The following RYR1 variants were observed in gnomAD, a reference collection of about 807,000 sequenced individuals.
The protein encoded by RYR1 is ryanodine receptor 1, also known as central core disease of muscle.
A neutral mutation model predicts 583.5 loss-of-function variants in RYR1; 342 were observed. The ratio of observed to expected loss-of-function variants is 0.59; its 90% CI spans 0.54 to 0.64. The LOEUF (loss-of-function observed/expected upper bound fraction) is 0.64. Ranked by LOEUF, RYR1 falls within the 30% of genes least tolerant of loss-of-function variation. The pLI is 0.00. For missense variants in RYR1, 6,032 were observed against 6,917.2 expected, an observed-to-expected ratio of 0.87 and a Z score of 4.54; for synonymous variants, 2,791 against 2,822.5, an observed-to-expected ratio of 0.99 and a Z score of 0.35.
In RYR1 at chr19:38,502,558, C is replaced by T. The variant is rs138925222; in HGVS notation, c.7666C>T (p.Leu2556=). 28 of 1,611,826 alleles carry T rather than the reference C, an allele frequency of 1.7e-5. No homozygotes were observed. In the South Asian group the frequency reaches 2.6e-4, roughly 15 times the overall value. ...MALALNRYLC[L]AVLPLITKCA... is the part of the protein sequence containing the mutation. ...GCTGGCGCTGAACCGCTACCTGTGC[C>T]TGGCCGTGCTGCCGCTCATCACCAA... The change falls in exon 48 of 106, where the codon CTG becomes TTG. Residue 2556 remains leucine (L), a synonymous_variant. Transcript: ENST00000359596.
intron 24 of RYR1, 58 bp downstream of exon 24, chr19:38,466,456 C>A: frequency 6.7e-7 from 1 of 1,494,664 alleles, no homozygotes; most frequent in South Asian, 1.2e-5. Context: ...ACCCCAGCCC[C>A]GATCCCTGAT....
At chr19:38,585,830 A>C in intron 102 of RYR1, 108 bp from the exon 103 acceptor site, 1 of 1,323,394 alleles carries the variant, frequency 7.6e-7, no homozygotes, top group African/African-American at 1.4e-5. Flanking sequence ...TAGGGGTGAG[A>C]TTAGGGAAAT....
At chr19:38,577,838 G>C in intron 97 of RYR1, 80 bp from the exon 98 acceptor site, 1 of 1,577,652 alleles carries the variant, frequency 6.3e-7, no homozygotes, top group Non-Finnish European at 8.7e-7. Flanking sequence ...AGTTTGGAGT[G>C]TCCCCAGAAC....
At chr19:38,532,365 T>C in intron 76 of RYR1, 125 bp from the exon 77 acceptor site, 1 of 915,952 alleles carries the variant, frequency 1.1e-6, no homozygotes, top group South Asian at 1.4e-5. Context: ...TCAAGTGATC[T>C]GCCTGCCTCA....
chr19:38,569,240 C>T (rs1032205257), intron 93 of RYR1, among the ~76,000 whole-genome samples: 8 of 152,090 alleles, frequency 5.3e-5, no homozygotes, highest in Non-Finnish European at 1.0e-4. Flanking sequence ...TAGATCTGAC[C>T]TTGTGATCCA....
Position 38,452,700 on chromosome 19 carries a change from G to A in RYR1, c.1245-119G>A, listed in dbSNP as rs531970829. ...AAATGCTTTTCCCTCTCTGCGTCTC[G>A]GTCTCCCTCTCTGTAAAACGGGTGG... On this transcript the variant is annotated intron_variant, in intron 12 of 105. Transcript: ENST00000359596. The A allele has an allele frequency of 3.9e-5, 34 of 873,824 alleles. No individual in the cohort carries two copies. In the South Asian group the frequency reaches 5.2e-4, roughly 13 times the overall value. The allele number at this position is 873,824 out of a possible 1,614,324, so 54.1% of individuals were successfully genotyped here.
rs1298551082 is a variant in RYR1 at position 38,512,039 on chromosome 19, A to G, written c.9173-33A>G. The G allele has an allele frequency of 5.6e-6, 9 of 1,609,436 alleles. No individual in the cohort carries two copies. The highest frequency in any genetic ancestry group is 1.7e-4 in the Middle Eastern group (1 of 6,054). On this transcript the variant is annotated intron_variant, in intron 61 of 105. Coordinates refer to ENST00000359596, the MANE Select transcript of RYR1 (RefSeq NM_000540.3). The surrounding 1 kb of genome is among the most constrained non-coding windows in gnomAD (Gnocchi z 5.1). ...GGCACTGTCCTCTGTCCTCTTAGCC[A>G]TGGCATCCCCCCGGCCCATCTTCCT...
In RYR1 at chr19:38,452,438, TAAC is replaced by T. The variant is rs1203263716; in HGVS notation, c.1245-378_1245-376del. Among the ~76,000 whole-genome samples the T allele has an allele frequency of 2.0e-4, 31 of 151,960 alleles. No homozygotes were observed. In the South Asian group the frequency reaches 6.0e-3, roughly 30 times the overall value. ...GAGCGAGACCCTTCTCAAAAAATAA[TAAC>T]AATAATATACACATGACCCCTAACC... On this transcript the variant is annotated intron_variant, in intron 12 of 105. Transcript: ENST00000359596.
At chr19:38,558,640 G>A (rs1407164028) in intron 89 of RYR1, among the ~76,000 whole-genome samples, 5 of 151,536 alleles carry the variant, frequency 3.3e-5, no homozygotes, top group East Asian at 1.9e-4. Flanking sequence ...TTAGCTTGGC[G>A]TGGTAGCACA....
intron 16 of RYR1, among the ~76,000 whole-genome samples, chr19:38,456,103 C>T (rs1312871738): frequency 6.6e-6 from 1 of 150,550 alleles, no homozygotes; most frequent in Non-Finnish European, 1.5e-5. Flanking sequence ...TCCCAAGTAG[C>T]TGGGACTACA....
Position 38,483,611 on chromosome 19 carries a change from G to A in RYR1, c.4934+95G>A, listed in dbSNP as rs1969129031. On this transcript the variant is annotated intron_variant, in intron 33 of 105. Coordinates refer to ENST00000359596, the MANE Select transcript of RYR1 (RefSeq NM_000540.3). The surrounding 1 kb of genome is among the most constrained non-coding windows in gnomAD (Gnocchi z 6.3). ...GTGCCCCTCCTCAACACAACCCCGG[G>A]ATTCCAGACTACACCCCAGGAATCT... The A allele has an allele frequency of 8.9e-7, 1 of 1,120,276 alleles. No homozygotes were observed. The highest frequency in any genetic ancestry group is 1.3e-6 in the Non-Finnish European group (1 of 774,764). The allele number at this position is 1,120,276 out of a possible 1,614,324, so 69.4% of individuals were successfully genotyped here. A position where few individuals can be genotyped will look rare whatever the true frequency, so the allele number is the denominator to read the frequency against.
intron 100 of RYR1, 51 bp from the exon 101 acceptor site, chr19:38,580,319 G>T (rs755725814): frequency 1.2e-6 from 2 of 1,603,988 alleles, no homozygotes; most frequent in South Asian, 2.2e-5. Flanking sequence ...GGGCAGGGTG[G>T]GGGGAGGGCA....
chr19:38,453,389 G>C (rs1208954699), intron 13 of RYR1, among the ~76,000 whole-genome samples: 8 of 151,774 alleles, frequency 5.3e-5, no homozygotes, highest in African/African-American at 1.9e-4. Context: ...AGAGGTCAGA[G>C]GTAGGGCTGC....
At chr19:38,585,331 C>A (rs550893886) in intron 102 of RYR1, among the ~76,000 whole-genome samples, 1 of 149,916 alleles carries the variant, frequency 6.7e-6, no homozygotes, top group South Asian at 2.1e-4. Context: ...CATAGGCGCT[C>A]GGTGTCTGGC....
rs775732541 is a variant in RYR1, at chr19:38,483,063, G to T, written c.4657G>T (p.Val1553Phe). 6.2e-7 allele frequency: 1 copy of T among 1,613,920 alleles called. No individual in the cohort carries two copies. The highest frequency in any genetic ancestry group is 1.1e-5 in the South Asian group (1 of 91,084). Reference protein sequence around the residue: ...PNTKLFPAVFVLPTHQNVIQF... With the variant: ...PNTKLFPAVFFLPTHQNVIQF... ...CACTAAGCTATTTCCTGCCGTCTTC[G>T]TCCTGCCCACCCACCAGAACGTCAT... Residue 1553 changes from valine (V) to phenylalanine (F), a missense_variant, in exon 32 of 106, where the codon GTC becomes TTC. Around this residue, in one of 11 missense-constraint regions of RYR1, gnomAD observed 2,627 missense variants for 2,961.3 expected, o/e 0.89. Coordinates refer to ENST00000359596, the MANE Select transcript of RYR1 (RefSeq NM_000540.3). The surrounding 1 kb of genome is among the most constrained non-coding windows in gnomAD (Gnocchi z 6.3).
At chr19:38,434,234 C>A (rs1276636683) in intron 1 of RYR1, among the ~76,000 whole-genome samples, 1 of 152,048 alleles carries the variant, frequency 6.6e-6, no homozygotes, top group African/African-American at 2.4e-5. Context: ...GCCATCCCCC[C>A]ACCCCCACCT....
rs1413677248 is a variant in RYR1, at chr19:38,527,631, T to A, written c.10687-16T>A. 6.2e-7 allele frequency: 1 copy of A among 1,613,660 alleles called. No homozygotes were observed. The highest frequency in any genetic ancestry group is 8.5e-7 in the Non-Finnish European group (1 of 1,179,936). Reference sequence around the variant, plus strand: ...AAGGGTCCCTCACGCCGGCCACTCCTTCTTCCTCCCTTCAGGTCGAAGGCT... The same window carrying A: ...AAGGGTCCCTCACGCCGGCCACTCCATCTTCCTCCCTTCAGGTCGAAGGCT... On this transcript the variant is annotated splice_polypyrimidine_tract_variant and intron_variant, in intron 72 of 105. Coordinates refer to ENST00000359596, the MANE Select transcript of RYR1 (RefSeq NM_000540.3).
intron 5 of RYR1, 23 bp downstream of exon 5, chr19:38,443,819 G>T (rs760962646): frequency 6.2e-7 from 1 of 1,612,222 alleles, no homozygotes; most frequent in Non-Finnish European, 8.5e-7. Context: ...GAGGGGATGG[G>T]GGTGTGAAGG....
At chr19:38,459,088 G>C in intron 18 of RYR1, 58 bp from the exon 19 acceptor site, 1 of 1,428,984 alleles carries the variant, frequency 7.0e-7, no homozygotes, top group South Asian at 1.1e-5. Context: ...CTTTTCTCTT[G>C]TTATCATTGG....
Sources: allele counts gnomAD v4.1 joint callset (sites outside exome capture counted in the v4.1 genomes callset), GRCh38; gene constraint gnomAD v4.1.1; regional missense constraint gnomAD v4.1.1; non-coding constraint Gnocchi (gnomAD v3.1); transcripts MANE v1.5; gene names NCBI Gene and HGNC (gene_info 2026-07-23, HGNC 2026-07-21).